BTNL9: variants seen among roughly 807,000 people sequenced by gnomAD.
BTNL9 encodes butyrophilin like 9.
In BTNL9, 45 loss-of-function variants were observed where a neutral mutation model predicts 45.8. The ratio of observed to expected loss-of-function variants is 0.98; its 90% CI spans 0.77 to 1.26. The LOEUF (loss-of-function observed/expected upper bound fraction) is 1.26. Among genes scored for constraint, BTNL9 ranks in the 50% most tolerant of loss-of-function variants. The pLI is 0.00. For missense variants in BTNL9, 784 were observed against 729.7 expected, an observed-to-expected ratio of 1.07 and a Z score of -0.86; for synonymous variants, 346 against 330.8, an observed-to-expected ratio of 1.05 and a Z score of -0.50.
In BTNL9 at chr5:181,050,815, G is replaced by A. The variant is rs1387545353; in HGVS notation, c.736+446G>A. Among the ~76,000 whole-genome samples the A allele has an allele frequency of 6.6e-6, 1 of 152,062 alleles. No individual in the cohort carries two copies. The highest frequency in any genetic ancestry group is 2.4e-5 in the African/African-American group (1 of 41,402). On this transcript the variant is annotated intron_variant, in intron 4 of 10. Coordinates refer to ENST00000327705, the MANE Select transcript of BTNL9 (RefSeq NM_152547.5). The surrounding 1 kb of genome is among the most constrained non-coding windows in gnomAD (Gnocchi z 4.9). ...TAGAAGGTGGTAGGTGCAGCCGGGTGCAGTGGCTCACGCCTGTAATCCCAG... is the reference window on the plus strand; with the variant it reads ...TAGAAGGTGGTAGGTGCAGCCGGGTACAGTGGCTCACGCCTGTAATCCCAG...
In BTNL9 at chr5:181,059,411, G is replaced by A. The variant is rs1407039489; in HGVS notation, c.1157G>A (p.Trp386Ter). The change falls in exon 11 of 11, where the codon TGG becomes TAG. Residue 386 changes from tryptophan to a stop codon, truncating the protein, a stop_gained. Coordinates refer to ENST00000327705, the MANE Select transcript of BTNL9 (RefSeq NM_152547.5). LOFTEE classifies it low-confidence loss of function (END_TRUNC). The stretch of plus-strand genomic sequence containing the variant: ...CGGTTCTCCGCCGGCCGCCACTACT[G>A]GGAGGTGCACGTGGGCCGCCGCAGC... ...LERFSAGRHY[W>*]EVHVGRRSRW... 2.0e-6 allele frequency: 3 copies of A among 1,508,548 alleles called. No homozygotes were observed. Among genetic ancestry groups the A allele is most frequent in the Admixed American group, 2.2e-5 (1 of 46,344 alleles). The allele number at this position is 1,508,548 out of a possible 1,614,324, so 93.4% of individuals were successfully genotyped here. A position where few individuals can be genotyped will look rare whatever the true frequency, so the allele number is the denominator to read the frequency against.
rs1223341176 is a variant in BTNL9, at chr5:181,045,529, G to T, written c.40G>T (p.Val14Leu). 3.1e-6 allele frequency: 5 copies of T among 1,612,480 alleles called. No homozygotes were observed. The highest frequency in any genetic ancestry group is 3.4e-6 in the Non-Finnish European group (4 of 1,179,230). ...LSVSPDSLKP[V>L]SLTSSLVFLM... ...AGTCTCCCCAGACTCCTTGAAGCCA[G>T]TATCGCTGACCAGCAGTCTTGTCTT... The change falls in exon 2 of 11, where the codon GTA (valine) becomes TTA (leucine). Residue 14 changes from valine to leucine, a missense_variant. By Grantham distance (32) the Val-to-Leu change is conservative. Coordinates refer to ENST00000327705, the MANE Select transcript of BTNL9 (RefSeq NM_152547.5).
Position 181,059,684 on chromosome 5 carries a change from C to A in BTNL9, c.1430C>A (p.Thr477Asn). The change falls in exon 11 of 11, where the codon ACC becomes AAC. Residue 477 changes from threonine (T) to asparagine (N), a missense_variant. By Grantham distance (65) the Thr-to-Asn change is moderately conservative (BLOSUM62 0). Transcript: ENST00000327705. ...TCCCACATCTTCACCTTCCACGACACCTTCTCGGGCGCGCTCTGTGCGTAC... is the reference window on the plus strand; with the variant it reads ...TCCCACATCTTCACCTTCCACGACAACTTCTCGGGCGCGCTCTGTGCGTAC... ...DGSHIFTFHD[T>N]FSGALCAYFR... 1.2e-6 allele frequency: 2 copies of A among 1,613,736 alleles called. No individual in the cohort carries two copies. Among genetic ancestry groups the A allele is most frequent in the African/African-American group, 1.3e-5 (1 of 75,060 alleles).
At chr5:181,054,483 A>C (rs888269598) in intron 7 of BTNL9, 10 of 985,464 alleles carry the variant, frequency 1.0e-5, no homozygotes, top group Non-Finnish European at 1.1e-5. Context: ...CCTCCCCTGC[A>C]AATTAGACAA....
chr5:181,046,930 G>A (rs1053915757), intron 2 of BTNL9, among the ~76,000 whole-genome samples: 9 of 152,228 alleles, frequency 5.9e-5, no homozygotes, highest in Non-Finnish European at 7.4e-5. Flanking sequence ...AGAGACAGCC[G>A]GAGAGAACCT....
At chr5:181,056,689 G>A (rs548010144) in intron 9 of BTNL9, 2 of 704,574 alleles carry the variant, frequency 2.8e-6, no homozygotes, top group South Asian at 3.0e-5. Flanking sequence ...GGGACTGCTG[G>A]CCCATGGTGG....
intron 9 of BTNL9, among the ~76,000 whole-genome samples, chr5:181,056,367 G>A (rs1191909376): frequency 2.0e-5 from 3 of 152,104 alleles, no homozygotes; most frequent in African/African-American, 7.2e-5. Flanking sequence ...TATATATTTT[G>A]TATATATTCT....
chr5:181,059,090 G>T (rs1762024770), intron 10 of BTNL9, 147 bp from the exon 11 acceptor site: 1 of 1,312,954 alleles, frequency 7.6e-7, no homozygotes, highest in Non-Finnish European at 9.9e-7. Flanking sequence ...GTCCTGGGGA[G>T]GGGGTTTGCA....
intron 3 of BTNL9, 25 bp downstream of exon 3, chr5:181,048,296 G>T (rs1221911670): frequency 4.0e-5 from 63 of 1,564,708 alleles, no homozygotes; most frequent in Non-Finnish European, 5.2e-5. Context: ...CTAAGGCCCT[G>T]CAGAGGAGAG....
At chr5:181,058,507 C>T in intron 10 of BTNL9, 129 bp downstream of exon 10, 1 of 1,214,764 alleles carries the variant, frequency 8.2e-7, no homozygotes. Context: ...ACACACAAGA[C>T]ACACACGCAC....
At chr5:181,046,245 C>T (rs1761134189) in intron 2 of BTNL9, among the ~76,000 whole-genome samples, 5 of 138,980 alleles carry the variant, frequency 3.6e-5, no homozygotes, top group African/African-American at 1.4e-4. Flanking sequence ...ATCTCCCCAG[C>T]CTGTAGTGTT....
rs1218393357 is a variant in BTNL9, at chr5:181,045,710, CA to C, written c.109+118del. ...CCAGGGCGTGCCAGACGCTAAAATA[CA>C]AAAAAGACTTCCATCCTGGTTGTTA... On this transcript the variant is annotated intron_variant, in intron 2 of 10. Coordinates refer to ENST00000327705, the MANE Select transcript of BTNL9 (RefSeq NM_152547.5). The C allele has an allele frequency of 3.4e-5, 28 of 815,542 alleles. No homozygotes were observed. The Middle Eastern group carries it at 7.0e-4, about 20-fold the overall frequency. The allele number at this position is 815,542 out of a possible 1,614,324, so 50.5% of individuals were successfully genotyped here. A position where few individuals can be genotyped will look rare whatever the true frequency, so the allele number is the denominator to read the frequency against.
Position 181,055,758 on chromosome 5 carries a change from G to C in BTNL9, c.929-231G>C. The C allele has an allele frequency of 1.4e-6, 1 of 710,244 alleles. No homozygotes were observed. The highest frequency in any genetic ancestry group is 1.5e-5 in the South Asian group (1 of 67,232). The allele number at this position is 710,244 out of a possible 1,614,324, so 44.0% of individuals were successfully genotyped here. On this transcript the variant is annotated intron_variant, in intron 8 of 10. Transcript: ENST00000327705. The surrounding 1 kb of genome is among the most constrained non-coding windows in gnomAD (Gnocchi z 4.4). ...CACTCCAGCCTGGGCGACAGAGCGA[G>C]ACTCTGTCTCAAAAAAAAAAAGAAC...
chr5:181,050,296 C>T lies in BTNL9; in HGVS notation c.663C>T (p.Ala221=), dbSNP rs1482973042. 1 of 1,614,120 alleles carries T rather than the reference C, an allele frequency of 6.2e-7. No homozygotes were observed. The highest frequency in any genetic ancestry group is 8.5e-7 in the Non-Finnish European group (1 of 1,180,032). Residue 221 remains alanine (A), a synonymous_variant, in exon 4 of 11, where the codon GCC becomes GCT. Coordinates refer to ENST00000327705, the MANE Select transcript of BTNL9 (RefSeq NM_152547.5). The surrounding 1 kb of genome is among the most constrained non-coding windows in gnomAD (Gnocchi z 4.9). The stretch of plus-strand genomic sequence containing the variant: ...CATCTGTGGTTGTCCGAGCGGGAGC[C>T]CTCAGCAATGTGTCCGTCTCCATCC... ...LETSVVVRAG[A]LSNVSVSIQN...
At chr5:181,049,269 C>A (rs564915766) in intron 3 of BTNL9, among the ~76,000 whole-genome samples, 2 of 152,238 alleles carry the variant, frequency 1.3e-5, no homozygotes, top group South Asian at 4.1e-4. Flanking sequence ...TGAGTTTAAT[C>A]TTTGTAAAGC....
chr5:181,045,533 C>G lies in BTNL9; in HGVS notation c.44C>G (p.Ser15Trp), dbSNP rs201472333. ...SVSPDSLKPV[S>W]LTSSLVFLMH... ...TCCCCAGACTCCTTGAAGCCAGTAT[C>G]GCTGACCAGCAGTCTTGTCTTCCTC... Residue 15 changes from serine to tryptophan, a missense_variant, in exon 2 of 11, where the codon TCG becomes TGG. Coordinates refer to ENST00000327705, the MANE Select transcript of BTNL9 (RefSeq NM_152547.5). 6 of 1,612,576 alleles carry G rather than the reference C, an allele frequency of 3.7e-6. No individual in the cohort carries two copies. The highest frequency in any genetic ancestry group is 4.2e-6 in the Non-Finnish European group (5 of 1,179,314).
At position 181,048,095 on chromosome 5, in the gene BTNL9, C is replaced by CT; in HGVS notation, c.279dup (p.Gly94TrpfsTer34). On this transcript the variant is annotated frameshift_variant, in exon 3 of 11. Coordinates refer to ENST00000327705, the MANE Select transcript of BTNL9 (RefSeq NM_152547.5). LOFTEE classifies it high-confidence loss of function. ...CTGTACCAGGAGCAGCAGGAGCTCCCTGGCAGGCAGATGCCGGCGTTCCGG... is the reference window on the plus strand; with the variant it reads ...CTGTACCAGGAGCAGCAGGAGCTCCCTTGGCAGGCAGATGCCGGCGTTCCGG... 6.2e-7 allele frequency: 1 copy of CT among 1,613,686 alleles called. No individual in the cohort carries two copies. Among genetic ancestry groups the CT allele is most frequent in the South Asian group, 1.1e-5 (1 of 91,082 alleles).
chr5:181,057,058 A>G (rs967242701), intron 9 of BTNL9: 1 of 152,928 alleles, frequency 6.5e-6, no homozygotes. Flanking sequence ...TTAATCCCTC[A>G]TGGGTAAACA....
At chr5:181,048,938 TATATATA>T (rs886856319) in intron 3 of BTNL9, among the ~76,000 whole-genome samples, 17 of 142,744 alleles carry the variant, frequency 1.2e-4, no homozygotes, top group African/African-American at 3.1e-4. Context: ...TATTATATAA[TATATATA>T]ATATATAATA....
Sources: allele counts gnomAD v4.1 joint callset (sites outside exome capture counted in the v4.1 genomes callset), GRCh38; gene constraint gnomAD v4.1.1; non-coding constraint Gnocchi (gnomAD v3.1); transcripts MANE v1.5; gene names NCBI Gene and HGNC (gene_info 2026-07-23, HGNC 2026-07-21).